RGS6: variants seen among roughly 807,000 people sequenced by gnomAD.
The protein encoded by RGS6 is regulator of G-protein signaling 6.
A neutral mutation model predicts 78.5 loss-of-function variants in RGS6; 30 were observed. The ratio of observed to expected loss-of-function variants is 0.38; its 90% CI spans 0.29 to 0.52. RGS6 has a LOEUF of 0.52. Among genes scored for constraint, RGS6 ranks in the 20% least tolerant of loss-of-function variants. RGS6 has a pLI of 0.85. For synonymous variants in RGS6, 206 were observed against 206.0 expected, an observed-to-expected ratio of 1.00 and a Z score of 0.00; for missense variants, 495 against 609.7, an observed-to-expected ratio of 0.81 and a Z score of 1.98.
At chr14:72,595,024 T>C in the RGS6 span, 1 of 152,172 alleles carries the variant, frequency 6.6e-6, no homozygotes, top group African/African-American at 2.4e-5. Flanking sequence ...TTAACAGCCA[T>C]ATTTTCATAG....
rs964580438 is a variant in RGS6, at chr14:72,466,795, C to T, written c.459+973C>T. 2.6e-5 allele frequency among the ~76,000 whole-genome samples: 4 copies of T among 152,182 alleles called. No homozygotes were observed. The East Asian group carries it at 5.8e-4, about 22-fold the overall frequency. ...GTGGTGGTGGTTGTATGAATCTATA[C>T]ATGTGTTAAAATTTACAGACTTGTA... is the stretch of plus-strand genomic sequence containing the variant. On this transcript the variant is annotated intron_variant, in intron 7 of 17. Transcript: ENST00000553525.
chr14:72,107,324 A>G (rs2095654401), intron 2 of RGS6, among the ~76,000 whole-genome samples: 1 of 152,150 alleles, frequency 6.6e-6, no homozygotes, highest in African/African-American at 2.4e-5. Context: ...TTGAAGCTCA[A>G]ATTGTCCCAT....
intron 3 of RGS6, among the ~76,000 whole-genome samples, chr14:72,423,939 G>GTCAT (rs145145364): frequency 0.027 from 4,128 of 152,304 alleles, 80 homozygotes; most frequent in South Asian, 0.066. Flanking sequence ...TTCTCATCCA[G>GTCAT]TCATTCATTC....
At chr14:72,047,892 A>ATTTTTTTTTTTTTTTTTT (rs1470612017) in intron 2 of RGS6, among the ~76,000 whole-genome samples, 1 of 83,448 alleles carries the variant, frequency 1.2e-5, no homozygotes, top group Admixed American at 1.3e-4. Context: ...TGCCCAGCTA[A>ATTTTTTTTTTTTTTTTTT]TTTTTGTTTT....
chr14:72,470,601 G>C (rs1055260868), intron 8 of RGS6, among the ~76,000 whole-genome samples: 2 of 152,112 alleles, frequency 1.3e-5, no homozygotes, highest in African/African-American at 4.8e-5. Flanking sequence ...AGTAAGGCTG[G>C]GCATGGTGGC....
chr14:72,181,891 G>A (rs929470709), intron 2 of RGS6, among the ~76,000 whole-genome samples: 4 of 152,124 alleles, frequency 2.6e-5, no homozygotes, highest in African/African-American at 9.7e-5. Flanking sequence ...AATATGCAGT[G>A]ACAACAGAAT....
chr14:72,070,289 G>C (rs528681835), intron 2 of RGS6, among the ~76,000 whole-genome samples: 2 of 152,278 alleles, frequency 1.3e-5, no homozygotes, highest in East Asian at 3.9e-4. Flanking sequence ...CTCCTAGAAA[G>C]TATTTAAGGT....
chr14:71,999,152 C>G (rs748715242), intron 2 of RGS6, among the ~76,000 whole-genome samples: 1 of 152,268 alleles, frequency 6.6e-6, no homozygotes, highest in South Asian at 2.1e-4. Flanking sequence ...CTGAGGTAAG[C>G]AAATCAATTC....
intron 2 of RGS6, among the ~76,000 whole-genome samples, chr14:72,185,497 A>C (rs970308897): frequency 3.1e-4 from 47 of 152,176 alleles, no homozygotes; most frequent in Non-Finnish European, 4.7e-4. Flanking sequence ...TCAATAACAA[A>C]TTTATTTCAA....
At chr14:72,078,717 C>T (rs762990243) in intron 2 of RGS6, among the ~76,000 whole-genome samples, 2 of 152,156 alleles carry the variant, frequency 1.3e-5, no homozygotes, top group Non-Finnish European at 2.9e-5. Context: ...TGCGCCCGGC[C>T]AGGTATTTCT....
chr14:72,191,330 A>G (rs2097322680), intron 2 of RGS6, among the ~76,000 whole-genome samples: 2 of 152,188 alleles, frequency 1.3e-5, no homozygotes, highest in African/African-American at 4.8e-5. Flanking sequence ...GTGACTTGAG[A>G]GGCCACTGCA....
At chr14:71,900,999 G>A in the RGS6 span, among the ~76,000 whole-genome samples, 3 of 152,154 alleles carry the variant, frequency 2.0e-5, no homozygotes, top group Non-Finnish European at 4.4e-5. Context: ...TTATCACCAA[G>A]GGGATAGTGC....
chr14:71,896,625 C>A, the RGS6 span, among the ~76,000 whole-genome samples: 5 of 152,288 alleles, frequency 3.3e-5, no homozygotes, highest in East Asian at 9.6e-4. Context: ...CCTCATTTTA[C>A]CCAGCCCCTA....
At chr14:72,550,561 T>C in intron 17 of RGS6, 1 of 1,535,562 alleles carries the variant, frequency 6.5e-7, no homozygotes, top group Non-Finnish European at 8.7e-7. Flanking sequence ...AACCCAACCT[T>C]GTAATCTTCT....
At chr14:72,350,440 C>G (rs2078897996) in intron 2 of RGS6, among the ~76,000 whole-genome samples, 1 of 152,166 alleles carries the variant, frequency 6.6e-6, no homozygotes, top group Non-Finnish European at 1.5e-5. Context: ...CTTCAGTTCC[C>G]CTTTCCTCCT....
chr14:72,476,591 A>G, intron 10 of RGS6, 151 bp from the exon 11 acceptor site: 1 of 616,702 alleles, frequency 1.6e-6, no homozygotes, highest in Non-Finnish European at 2.9e-6. Flanking sequence ...AAGAGGCAGC[A>G]TTCTCATCAT....
At chr14:72,167,941 C>T (rs1430166574) in intron 2 of RGS6, among the ~76,000 whole-genome samples, 1 of 152,044 alleles carries the variant, frequency 6.6e-6, no homozygotes, top group Non-Finnish European at 1.5e-5. Flanking sequence ...CCTGGTTAAC[C>T]CATCAGTTGC....
chr14:72,375,841 A>G (rs548927838), intron 3 of RGS6, among the ~76,000 whole-genome samples: 48 of 152,314 alleles, frequency 3.2e-4, no homozygotes, highest in Non-Finnish European at 6.9e-4. Flanking sequence ...CATTGAGCCC[A>G]CACCCCAACA....
chr14:71,991,685 C>T (rs1426441191), intron 2 of RGS6, among the ~76,000 whole-genome samples: 1 of 152,196 alleles, frequency 6.6e-6, no homozygotes, highest in Non-Finnish European at 1.5e-5. Flanking sequence ...TTTCTAGGTA[C>T]ATATTTTAAC....
Sources: gnomAD v4.1 joint callset for allele counts (sites outside exome capture counted in the v4.1 genomes callset) on GRCh38, gnomAD v4.1.1 for gene constraint, MANE v1.5 for transcripts, NCBI Gene and HGNC (gene_info 2026-07-23, HGNC 2026-07-21) for gene names.